The following HCRTR2 variants were observed in gnomAD, a reference collection of about 807,000 sequenced individuals.
HCRTR2 encodes hypocretin receptor 2.
In HCRTR2, 22 loss-of-function variants were observed where a neutral mutation model predicts 49.0. The ratio of observed to expected loss-of-function variants is 0.45; its 90% CI spans 0.32 to 0.64. The LOEUF (loss-of-function observed/expected upper bound fraction) is 0.64, where lower values mean the gene tolerates loss of function less well. HCRTR2 is among the 30% of genes least tolerant of loss of function. HCRTR2 has a pLI of 0.04. For missense variants in HCRTR2, 491 were observed against 559.4 expected, an observed-to-expected ratio of 0.88 and a Z score of 1.23; for synonymous variants, 236 against 205.3, an observed-to-expected ratio of 1.15 and a Z score of -1.28.
In HCRTR2 at chr6:55,276,446, G is replaced by C. The variant is rs575009857; in HGVS notation, c.763-934G>C. Among the ~76,000 whole-genome samples, 3 of 152,246 alleles carry C rather than the reference G, an allele frequency of 2.0e-5. No individual in the cohort carries two copies. The East Asian group carries it at 5.8e-4, about 29-fold the overall frequency. On this transcript the variant is annotated intron_variant, in intron 4 of 6. Transcript: ENST00000370862. ...CACAAGGACACATTGGTCAGTACTG[G>C]TTTGCCGCACAGAGACAGAAAGTAA...
At chr6:55,121,411 C>A (rs1581782434) in intron 1 of HCRTR2, among the ~76,000 whole-genome samples, 1 of 152,154 alleles carries the variant, frequency 6.6e-6, no homozygotes, top group Non-Finnish European at 1.5e-5. Flanking sequence ...ACAATCATGT[C>A]ATCTGCAAGC....
upstream of HCRTR2, among the ~76,000 whole-genome samples, chr6:55,172,694 T>A (rs1399526886): frequency 1.3e-5 from 2 of 152,168 alleles, no homozygotes; most frequent in East Asian, 1.9e-4. Context: ...ATCATCTAAT[T>A]TCCCCAGGAA....
intron 4 of HCRTR2, among the ~76,000 whole-genome samples, chr6:55,268,331 C>G (rs753450703): frequency 2.6e-5 from 4 of 151,668 alleles, no homozygotes; most frequent in African/African-American, 9.7e-5. Flanking sequence ...AGTAAAATGG[C>G]AGATATATAT....
At chr6:55,283,453 A>C (rs1057276329), downstream of HCRTR2, among the ~76,000 whole-genome samples, 1 of 152,062 alleles carries the variant, frequency 6.6e-6, no homozygotes, top group Non-Finnish European at 1.5e-5. Context: ...TTTAATTACA[A>C]TGACAGTTGA....
rs372536983 is a variant in HCRTR2 at position 55,257,783 on chromosome 6, A to C, written c.646+2404A>C. On this transcript the variant is annotated intron_variant, in intron 3 of 6. Coordinates refer to ENST00000370862, the MANE Select transcript of HCRTR2 (RefSeq NM_001384272.1). ...AACCTAAACTTAGCCTTCAGAAGTC[A>C]TTTAAGAAAACTATTTGAAGGTGAT... Among the ~76,000 whole-genome samples the C allele has an allele frequency of 3.4e-4, 52 of 152,036 alleles. 1 individual carries two copies. The South Asian group carries it at 4.8e-3, about 14-fold the overall frequency.
At chr6:55,161,675 C>A (rs1764807768) in intron 1 of HCRTR2, among the ~76,000 whole-genome samples, 1 of 152,074 alleles carries the variant, frequency 6.6e-6, no homozygotes, top group African/African-American at 2.4e-5. Context: ...CACAGAAATA[C>A]AAACTACCAT....
intron 1 of HCRTR2, among the ~76,000 whole-genome samples, chr6:55,134,601 A>G (rs1393834274): frequency 2.0e-5 from 3 of 151,792 alleles, no homozygotes; most frequent in African/African-American, 7.3e-5. Flanking sequence ...GAGAGTGTGT[A>G]TCTTTTGACC....
intron 1 of HCRTR2, among the ~76,000 whole-genome samples, chr6:55,216,654 A>C (rs1217499647): frequency 1.3e-5 from 2 of 152,198 alleles, no homozygotes; most frequent in Non-Finnish European, 2.9e-5. Flanking sequence ...TGGGGAACAC[A>C]TTGAGCCACT....
At chr6:55,269,876 A>G (rs1766938820) in intron 4 of HCRTR2, among the ~76,000 whole-genome samples, 1 of 152,170 alleles carries the variant, frequency 6.6e-6, no homozygotes, top group Non-Finnish European at 1.5e-5. Flanking sequence ...AGGCATGAGA[A>G]TCATTTGAGC....
intron 1 of HCRTR2, among the ~76,000 whole-genome samples, chr6:55,239,922 C>T (rs940919097): frequency 5.3e-5 from 8 of 150,812 alleles, no homozygotes; most frequent in Non-Finnish European, 8.9e-5. Context: ...GGATTACAGG[C>T]GCATACCACC....
intron 1 of HCRTR2, among the ~76,000 whole-genome samples, chr6:55,143,642 G>T (rs78643108): frequency 0.023 from 3,541 of 152,268 alleles, 138 homozygotes; most frequent in African/African-American, 0.079. Flanking sequence ...TAGTGAATGT[G>T]CATTATGCCA....
At chr6:55,131,153 C>CT (rs894451587) in intron 1 of HCRTR2, among the ~76,000 whole-genome samples, 9 of 151,700 alleles carry the variant, frequency 5.9e-5, no homozygotes, top group African/African-American at 1.9e-4. Flanking sequence ...AATTAAAGAT[C>CT]TTTTTTTTCA....
intron 1 of HCRTR2, among the ~76,000 whole-genome samples, chr6:55,209,427 T>C (rs938215592): frequency 1.3e-5 from 2 of 152,236 alleles, no homozygotes; most frequent in Non-Finnish European, 2.9e-5. Context: ...TTCATTGTTT[T>C]GGTTTTTGTT....
intron 1 of HCRTR2, among the ~76,000 whole-genome samples, chr6:55,192,388 T>C (rs888724936): frequency 9.4e-5 from 13 of 138,414 alleles, no homozygotes; most frequent in Non-Finnish European, 2.0e-4. Flanking sequence ...AACCTTTCTC[T>C]AAACACACAC....
intron 5 of HCRTR2, among the ~76,000 whole-genome samples, chr6:55,279,859 A>G (rs1006656036): frequency 1.3e-5 from 2 of 152,064 alleles, no homozygotes; most frequent in African/African-American, 4.8e-5. Context: ...CAAGTTTCAG[A>G]TAGTCCAGGA....
chr6:55,118,185 G>A (rs1764146506), intron 1 of HCRTR2, among the ~76,000 whole-genome samples: 1 of 151,784 alleles, frequency 6.6e-6, no homozygotes, highest in African/African-American at 2.4e-5. Context: ...GTTTGCTTAG[G>A]ATAATGACCT....
chr6:55,234,286 A>G (rs1171109530), intron 1 of HCRTR2, among the ~76,000 whole-genome samples: 1 of 152,216 alleles, frequency 6.6e-6, no homozygotes, highest in Admixed American at 6.5e-5. Flanking sequence ...AACCATTGAG[A>G]ATCTACTATG....
At chr6:55,263,592 C>G (rs1157918191) in intron 3 of HCRTR2, 115 bp from the exon 4 acceptor site, 4 of 690,854 alleles carry the variant, frequency 5.8e-6, no homozygotes, top group Non-Finnish European at 7.9e-6. Flanking sequence ...CATAATATGA[C>G]AATGAAATCA....
chr6:55,254,615 C>T (rs1766614743), intron 2 of HCRTR2, among the ~76,000 whole-genome samples: 1 of 151,752 alleles, frequency 6.6e-6, no homozygotes, highest in Admixed American at 6.6e-5. Context: ...TACAAATAGC[C>T]CTTATTATTT....
Sources: gnomAD v4.1 joint callset for allele counts (sites outside exome capture counted in the v4.1 genomes callset) on GRCh38, gnomAD v4.1.1 for gene constraint, MANE v1.5 for transcripts, NCBI Gene and HGNC (gene_info 2026-07-23, HGNC 2026-07-21) for gene names.